SGCD: variants seen among roughly 807,000 people sequenced by gnomAD.
SGCD encodes delta-sarcoglycan.
In SGCD, 18 loss-of-function variants were observed where a neutral mutation model predicts 36.6. The observed-to-expected ratio is 0.49, with a 90% CI of 0.34 to 0.73. The LOEUF (loss-of-function observed/expected upper bound fraction) is 0.73. Ranked by LOEUF, SGCD falls within the 30% of genes least tolerant of loss-of-function variation. SGCD has a pLI of 0.01. For missense variants in SGCD, 387 were observed against 346.7 expected, an observed-to-expected ratio of 1.12 and a Z score of -0.92; for synonymous variants, 133 against 130.6, an observed-to-expected ratio of 1.02 and a Z score of -0.12.
At chr5:156,419,485 A>T (rs1773202271) in intron 3 of SGCD, among the ~76,000 whole-genome samples, 1 of 152,106 alleles carries the variant, frequency 6.6e-6, no homozygotes, top group Non-Finnish European at 1.5e-5. Context: ...TCTTTTTTAG[A>T]ATCAGATTTA....
intron 3 of SGCD, among the ~76,000 whole-genome samples, chr5:156,444,103 T>C (rs1284520547): frequency 1.8e-4 from 19 of 107,832 alleles, no homozygotes; most frequent in African/African-American, 9.1e-4. Flanking sequence ...TCTCTCTCTC[T>C]CTCTCTCTCT....
the SGCD span, among the ~76,000 whole-genome samples, chr5:155,850,017 A>G: frequency 0.069 from 10,581 of 152,276 alleles, 429 homozygotes; most frequent in African/African-American, 0.1. Flanking sequence ...TATCAGGAAT[A>G]GAAAGCTTGT....
At chr5:156,011,083 A>G (rs1409244754) in intron 1 of SGCD, among the ~76,000 whole-genome samples, 1 of 152,220 alleles carries the variant, frequency 6.6e-6, no homozygotes, top group African/African-American at 2.4e-5. Flanking sequence ...TTTTAAAAAG[A>G]CACATACGGA....
At chr5:156,427,350 G>A (rs541151773) in intron 3 of SGCD, among the ~76,000 whole-genome samples, 42 of 152,160 alleles carry the variant, frequency 2.8e-4, no homozygotes, top group African/African-American at 1.0e-3. Context: ...CTTTGTCGTT[G>A]TTGGTGTATA....
intron 7 of SGCD, among the ~76,000 whole-genome samples, chr5:156,655,942 C>T (rs1480417188): frequency 2.0e-5 from 3 of 152,044 alleles, no homozygotes. Flanking sequence ...CAGAGGCTTC[C>T]TTTGAATGCC....
intron 3 of SGCD, among the ~76,000 whole-genome samples, chr5:156,285,590 A>G (rs1041406013): frequency 1.3e-5 from 2 of 152,224 alleles, no homozygotes; most frequent in Admixed American, 1.3e-4. Context: ...TCCATATTTA[A>G]TAAATGGTAC....
At chr5:156,459,885 C>A (rs1754410366) in intron 3 of SGCD, among the ~76,000 whole-genome samples, 1 of 152,124 alleles carries the variant, frequency 6.6e-6, no homozygotes, top group Non-Finnish European at 1.5e-5. Flanking sequence ...TAAGTATTGG[C>A]TGAAAGATTT....
chr5:156,211,249 A>C (rs1325987301), intron 3 of SGCD, among the ~76,000 whole-genome samples: 1 of 152,196 alleles, frequency 6.6e-6, no homozygotes, highest in Admixed American at 6.5e-5. Flanking sequence ...TTTCCCAGAC[A>C]AACAAAAGCT....
chr5:156,656,589 G>A (rs934924529), intron 7 of SGCD, among the ~76,000 whole-genome samples: 4 of 152,084 alleles, frequency 2.6e-5, no homozygotes, highest in African/African-American at 7.2e-5. Flanking sequence ...ATTGATTTTT[G>A]TAATGTAATT....
At chr5:156,143,156 T>A (rs1180045257) in intron 3 of SGCD, among the ~76,000 whole-genome samples, 1 of 152,236 alleles carries the variant, frequency 6.6e-6, no homozygotes, top group Non-Finnish European at 1.5e-5. Context: ...TCTAGCCAGG[T>A]ACAACTCAGG....
intron 3 of SGCD, among the ~76,000 whole-genome samples, chr5:156,420,044 C>T (rs557986270): frequency 1.6e-4 from 25 of 152,260 alleles, no homozygotes; most frequent in Non-Finnish European, 1.2e-4. Flanking sequence ...GACTTGATAA[C>T]AGTCCATTGG....
intron 2 of SGCD, among the ~76,000 whole-genome samples, chr5:156,121,767 A>T (rs1762046583): frequency 6.6e-6 from 1 of 152,124 alleles, no homozygotes; most frequent in Non-Finnish European, 1.5e-5. Context: ...TTTGTTGTCT[A>T]ACCCTGGATT....
At position 156,058,685 on chromosome 5, in the gene SGCD, A is replaced by C. The variant is rs921374343; in HGVS notation, c.-281-59193A>C. On this transcript the variant is annotated intron_variant, in intron 1 of 9. Coordinates refer to the SGCD transcript ENST00000517913. Reference sequence around the variant, plus strand: ...AATATGGATATTTAATAATATTAGCAAACCATCATTAAGTTTGTAGATGAA... The same window carrying C: ...AATATGGATATTTAATAATATTAGCCAACCATCATTAAGTTTGTAGATGAA... 4.1e-5 allele frequency among the ~76,000 whole-genome samples: 6 copies of C among 146,752 alleles called. 1 individual carries two copies. The highest frequency in any genetic ancestry group is 1.5e-4 in the African/African-American group (6 of 40,780).
the SGCD span, among the ~76,000 whole-genome samples, chr5:155,751,418 G>A: frequency 6.6e-6 from 1 of 152,060 alleles, no homozygotes; most frequent in African/African-American, 2.4e-5. Flanking sequence ...TTTTGAGACA[G>A]ACTTTCACTC....
chr5:156,381,810 C>T (rs1027539020), intron 3 of SGCD, among the ~76,000 whole-genome samples: 9 of 152,106 alleles, frequency 5.9e-5, no homozygotes, highest in Non-Finnish European at 1.2e-4. Flanking sequence ...TGGGGTTCAG[C>T]TCCAACATTT....
the SGCD span, among the ~76,000 whole-genome samples, chr5:155,827,321 A>T: frequency 6.6e-6 from 1 of 152,182 alleles, no homozygotes. Flanking sequence ...GCCCTGGTGC[A>T]TCCACTTCTG....
intron 1 of SGCD, among the ~76,000 whole-genome samples, chr5:156,328,188 C>A (rs1767900416): frequency 6.6e-6 from 1 of 152,178 alleles, no homozygotes; most frequent in Non-Finnish European, 1.5e-5. Context: ...TTTTTCCTCT[C>A]ATAGGAAAGC....
At chr5:156,201,172 A>G (rs921099068) in intron 3 of SGCD, among the ~76,000 whole-genome samples, 1 of 152,182 alleles carries the variant, frequency 6.6e-6, no homozygotes, top group East Asian at 1.9e-4. Flanking sequence ...TTGCACAACA[A>G]TGTGAATACA....
At chr5:155,997,314 T>C (rs1014835708) in intron 1 of SGCD, among the ~76,000 whole-genome samples, 7 of 152,238 alleles carry the variant, frequency 4.6e-5, no homozygotes, top group Non-Finnish European at 1.0e-4. Flanking sequence ...TTTTATGCTA[T>C]GCTAATTCTC....
Sources: allele counts gnomAD v4.1 joint callset (sites outside exome capture counted in the v4.1 genomes callset), GRCh38; gene constraint gnomAD v4.1.1; transcripts MANE v1.5; gene names NCBI Gene and HGNC (gene_info 2026-07-23, HGNC 2026-07-21).